GALNT13: variants seen among roughly 807,000 people sequenced by gnomAD.
GALNT13 encodes UDP-GalNAc:polypeptide N-acetylgalactosaminyltransferase 13.
A neutral mutation model predicts 64.2 loss-of-function variants in GALNT13; 28 were observed. The observed-to-expected ratio is 0.44, with a 90% confidence interval of 0.32 to 0.60. The LOEUF (loss-of-function observed/expected upper bound fraction) is 0.60, where lower values mean the gene tolerates loss of function less well. Among genes scored for constraint, GALNT13 ranks in the 20% least tolerant of loss-of-function variants. The pLI is 0.05. For missense variants in GALNT13, 577 were observed against 669.8 expected (o/e 0.86, Z 1.53); for synonymous variants, 214 against 224.6 (o/e 0.95, Z 0.42).
chr2:154,062,539 A>T (rs1700241950), intron 3 of GALNT13, among the ~76,000 whole-genome samples: 1 of 152,124 alleles, frequency 6.6e-6, no homozygotes, highest in African/African-American at 2.4e-5. Flanking sequence ...GTGGAAGGCA[A>T]AGGGGAAGTA....
At chr2:154,049,011 A>T (rs893814661) in intron 3 of GALNT13, among the ~76,000 whole-genome samples, 5 of 150,918 alleles carry the variant, frequency 3.3e-5, no homozygotes, top group African/African-American at 1.2e-4. Flanking sequence ...CGTGGAACTT[A>T]CTATGGTTCA....
chr2:154,310,615 G>A (rs1693980412), intron 9 of GALNT13, among the ~76,000 whole-genome samples: 1 of 152,002 alleles, frequency 6.6e-6, no homozygotes, highest in African/African-American at 2.4e-5. Context: ...TAAGCAGTTA[G>A]GTAGGTTTCA....
intron 8 of GALNT13, among the ~76,000 whole-genome samples, chr2:154,298,826 A>T (rs1285160444): frequency 6.5e-3 from 14 of 2,146 alleles, no homozygotes; most frequent in African/African-American, 0.012. Flanking sequence ...ATTTATATAT[A>T]CATTATATAT....
chr2:153,399,499 G>A, the GALNT13 span, among the ~76,000 whole-genome samples: 7 of 151,908 alleles, frequency 4.6e-5, no homozygotes, highest in Admixed American at 6.6e-5. Flanking sequence ...CATTGAATCT[G>A]TAAATTACCT....
chr2:153,537,177 T>TGA, the GALNT13 span, among the ~76,000 whole-genome samples: 1 of 152,078 alleles, frequency 6.6e-6, no homozygotes, highest in Non-Finnish European at 1.5e-5. Context: ...TCTGTAAACA[T>TGA]GAGAGAGAGA....
chr2:153,995,275 A>G (rs979624584), intron 3 of GALNT13, among the ~76,000 whole-genome samples: 2 of 152,134 alleles, frequency 1.3e-5, no homozygotes, highest in African/African-American at 2.4e-5. Context: ...TGATTTGCCT[A>G]TTTAATAAAT....
intron 4 of GALNT13, among the ~76,000 whole-genome samples, chr2:154,162,073 G>C (rs534064407): frequency 1.3e-5 from 2 of 152,128 alleles, no homozygotes; most frequent in Non-Finnish European, 2.9e-5. Flanking sequence ...GAGCCACCGT[G>C]CCAGGCACAA....
the GALNT13 span, among the ~76,000 whole-genome samples, chr2:153,222,318 G>GAC: frequency 7.2e-6 from 1 of 139,680 alleles, no homozygotes; most frequent in Non-Finnish European, 1.6e-5. Flanking sequence ...GGGGGGGGGG[G>GAC]GGGGGGGGTG....
chr2:154,101,286 C>G (rs558842413), intron 3 of GALNT13, among the ~76,000 whole-genome samples: 1 of 151,614 alleles, frequency 6.6e-6, no homozygotes, highest in Middle Eastern at 3.2e-3. Context: ...GATTGGTACC[C>G]GTTCTTTTTG....
the GALNT13 span, among the ~76,000 whole-genome samples, chr2:153,215,216 A>T: frequency 6.6e-6 from 1 of 152,024 alleles, no homozygotes; most frequent in African/African-American, 2.4e-5. Context: ...GCTCTTTCCC[A>T]CTAAATTCTC....
chr2:153,517,685 T>G, the GALNT13 span, among the ~76,000 whole-genome samples: 1 of 152,176 alleles, frequency 6.6e-6, no homozygotes, highest in African/African-American at 2.4e-5. Context: ...CACAGTAGAA[T>G]TTCCATTAAT....
intron 4 of GALNT13, among the ~76,000 whole-genome samples, chr2:154,207,531 A>C (rs1687531871): frequency 6.6e-6 from 1 of 152,174 alleles, no homozygotes. Flanking sequence ...GAGTTAATAC[A>C]TGTGCCTGGC....
chr2:153,662,146 A>G, the GALNT13 span, among the ~76,000 whole-genome samples: 1 of 152,180 alleles, frequency 6.6e-6, no homozygotes, highest in South Asian at 2.1e-4. Flanking sequence ...GAGCTGAATA[A>G]ACCAGGGTTG....
intron 3 of GALNT13, among the ~76,000 whole-genome samples, chr2:154,005,566 G>C (rs1014703308): frequency 2.0e-5 from 3 of 152,074 alleles, no homozygotes; most frequent in African/African-American, 7.2e-5. Flanking sequence ...ATTCAAGCTT[G>C]GGCCCTTTGC....
the GALNT13 span, among the ~76,000 whole-genome samples, chr2:153,125,386 T>A: frequency 1.3e-5 from 2 of 152,190 alleles, no homozygotes; most frequent in Non-Finnish European, 2.9e-5. Context: ...AAGGAGCTCA[T>A]GGGTCATTAA....
At chr2:154,356,385 T>A (rs570874122) in intron 9 of GALNT13, among the ~76,000 whole-genome samples, 1 of 152,008 alleles carries the variant, frequency 6.6e-6, no homozygotes, top group African/African-American at 2.4e-5. Context: ...ATTTTAGTTA[T>A]GAGAAATCTA....
At chr2:153,681,994 C>T in the GALNT13 span, among the ~76,000 whole-genome samples, 1 of 151,696 alleles carries the variant, frequency 6.6e-6, no homozygotes, top group Admixed American at 6.6e-5. Flanking sequence ...TGGTGTGAAT[C>T]TTTCTATTGA....
At chr2:154,378,386 G>C (rs1007720988) in intron 9 of GALNT13, among the ~76,000 whole-genome samples, 2 of 152,116 alleles carry the variant, frequency 1.3e-5, no homozygotes, top group Non-Finnish European at 2.9e-5. Flanking sequence ...TTAAGTTAGG[G>C]AGAAGGACTC....
the GALNT13 span, among the ~76,000 whole-genome samples, chr2:153,828,467 G>A: frequency 1.7e-3 from 257 of 152,302 alleles, 1 homozygote; most frequent in Non-Finnish European, 1.8e-3. Context: ...ACGGCTTGGG[G>A]CTTGCAACCT....
Sources: allele counts gnomAD v4.1 joint callset (sites outside exome capture counted in the v4.1 genomes callset), GRCh38; gene constraint gnomAD v4.1.1; transcripts MANE v1.5; gene names NCBI Gene and HGNC (gene_info 2026-07-23, HGNC 2026-07-21).